The following FRMPD4 variants were observed in gnomAD, a reference collection of about 807,000 sequenced individuals.
The protein encoded by FRMPD4 is FERM and PDZ domain containing 4.
In FRMPD4, 22 loss-of-function variants were observed where a neutral mutation model predicts 94.1. The ratio of observed to expected loss-of-function variants is 0.23; its 90% confidence interval spans 0.17 to 0.33. The LOEUF (loss-of-function observed/expected upper bound fraction) is 0.33. Ranked by LOEUF, FRMPD4 falls within the 10% of genes least tolerant of loss-of-function variation. The pLI is 1.00. For synonymous variants in FRMPD4, 631 were observed against 548.6 expected (o/e 1.15, Z -2.10); for missense variants, 1,111 against 1,339.9 (o/e 0.83, Z 2.67).
chrX:12,154,860 T>C (rs1261205877), intron 1 of FRMPD4, among the ~76,000 whole-genome samples: 2 of 112,605 alleles, frequency 1.8e-5, no homozygotes, highest in Non-Finnish European at 3.8e-5. Flanking sequence ...CCTCAGGCTT[T>C]GTCACCTCAT....
At chrX:11,948,314 G>T (rs1338304013) in intron 3 of FRMPD4, among the ~76,000 whole-genome samples, 1 of 110,203 alleles carries the variant, frequency 9.1e-6, no homozygotes, top group Non-Finnish European at 1.9e-5. Flanking sequence ...TATGAGGGTG[G>T]AGTCCTCATG....
intron 1 of FRMPD4, among the ~76,000 whole-genome samples, chrX:12,344,989 G>A (rs1023221768): frequency 1.8e-5 from 2 of 112,269 alleles, no homozygotes; most frequent in African/African-American, 3.2e-5. Flanking sequence ...GTTAAACCTG[G>A]TAAAAAATGA....
chrX:11,919,846 C>T (rs1051108486), intron 3 of FRMPD4, among the ~76,000 whole-genome samples: 1 of 112,355 alleles, frequency 8.9e-6, no homozygotes, highest in Non-Finnish European at 1.9e-5. Flanking sequence ...AGTTCAGTAT[C>T]TGTGACAGCA....
chrX:12,691,817 G>T (rs1020675722), intron 8 of FRMPD4, among the ~76,000 whole-genome samples: 1 of 107,719 alleles, frequency 9.3e-6, no homozygotes, highest in South Asian at 4.3e-4. Context: ...AGTGTAGGAC[G>T]CACCTCAGAG....
chrX:12,116,510 C>A (rs903797641), intron 3 of FRMPD4, among the ~76,000 whole-genome samples: 8 of 111,908 alleles, frequency 7.1e-5, no homozygotes, highest in African/African-American at 2.3e-4. Flanking sequence ...AGTTGGGGAA[C>A]CTCATTTGAA....
rs759110214 is a variant in FRMPD4, at chrX:12,678,543, C to T, written c.468+3635C>T. ...ACAGAGAGTATTTAAAGAGTTTCTA[C>T]GGCTGGGCATGGTGGCTCACGCCTG... On this transcript the variant is annotated intron_variant, in intron 5 of 16. Transcript: ENST00000675598. Among the ~76,000 whole-genome samples the T allele has an allele frequency of 1.4e-4, 16 of 112,281 alleles. 1 individual carries two copies. The highest frequency in any genetic ancestry group is 2.8e-4 in the East Asian group (1 of 3,595).
intron 1 of FRMPD4, among the ~76,000 whole-genome samples, chrX:12,426,351 A>G (rs757995195): frequency 9.0e-6 from 1 of 111,369 alleles, no homozygotes; most frequent in South Asian, 3.9e-4. Context: ...CAAATCTTCT[A>G]CTTTCAGGGC....
intron 1 of FRMPD4, among the ~76,000 whole-genome samples, chrX:12,414,036 G>A (rs1015626782): frequency 8.9e-5 from 10 of 112,827 alleles, no homozygotes; most frequent in Non-Finnish European, 1.9e-5. Flanking sequence ...GTGTTGGTCT[G>A]TGTGACTATA....
intron 3 of FRMPD4, among the ~76,000 whole-genome samples, chrX:11,905,351 T>A: frequency 8.9e-6 from 1 of 111,733 alleles, no homozygotes; most frequent in African/African-American, 3.2e-5. Context: ...GATGGCAAAG[T>A]TGAAAGAAAA....
chrX:11,974,560 G>T (rs766877417), intron 3 of FRMPD4, among the ~76,000 whole-genome samples: 19 of 112,016 alleles, frequency 1.7e-4, no homozygotes, highest in Non-Finnish European at 3.0e-4. Flanking sequence ...TAAGACAAAA[G>T]CCCAAAGCAA....
intron 3 of FRMPD4, among the ~76,000 whole-genome samples, chrX:11,909,910 A>G (rs748459667): frequency 9.0e-6 from 1 of 111,224 alleles, no homozygotes; most frequent in Admixed American, 9.6e-5. Context: ...TTAATCAACC[A>G]TCTGAAATGT....
chrX:12,277,707 A>C (rs1269835674), intron 1 of FRMPD4, among the ~76,000 whole-genome samples: 1 of 111,931 alleles, frequency 8.9e-6, no homozygotes. Context: ...ATTTATGCCA[A>C]TGTCATATAT....
intron 1 of FRMPD4, chrX:12,495,012 G>T (rs1390011134): frequency 1.4e-6 from 1 of 734,126 alleles, no homozygotes; most frequent in East Asian, 1.5e-4. Context: ...TCAAGGCCTT[G>T]CCTGAGCCCG....
At chrX:12,036,089 C>T (rs1282069274) in intron 3 of FRMPD4, among the ~76,000 whole-genome samples, 1 of 111,852 alleles carries the variant, frequency 8.9e-6, no homozygotes, top group Non-Finnish European at 1.9e-5. Flanking sequence ...GATCCCTTTA[C>T]CATGGAAAGA....
chrX:11,997,758 A>G (rs1305726047), intron 3 of FRMPD4, among the ~76,000 whole-genome samples: 1 of 111,371 alleles, frequency 9.0e-6, no homozygotes, highest in Non-Finnish European at 1.9e-5. Context: ...TCTTTGGTCA[A>G]AGTAAGTCAC....
In FRMPD4 at chrX:12,718,740, G is replaced by A; in HGVS notation, c.3914G>A (p.Gly1305Asp). The A allele has an allele frequency of 1.7e-6, 2 of 1,209,067 alleles. No homozygotes were observed. Among genetic ancestry groups the A allele is most frequent in the Non-Finnish European group, 2.2e-6 (2 of 893,294 alleles). The part of the protein sequence containing the change: ...HTAINTEPLF[G>D]TLRDGCHRLP... ...GCCATTAACACCGAACCCCTGTTTGGCACATTGAGAGATGGATGCCATCGG... is the reference window on the plus strand; with the variant it reads ...GCCATTAACACCGAACCCCTGTTTGACACATTGAGAGATGGATGCCATCGG... Residue 1305 changes from glycine (G) to aspartate (D), a missense_variant, in exon 16 of 17, where the codon GGC becomes GAC. Transcript: ENST00000675598.
intron 3 of FRMPD4, among the ~76,000 whole-genome samples, chrX:12,086,226 T>C (rs1003861825): frequency 9.0e-6 from 1 of 111,476 alleles, no homozygotes; most frequent in Non-Finnish European, 1.9e-5. Flanking sequence ...AGAAATGCTG[T>C]GTACTTACCT....
chrX:11,991,863 G>A (rs934008863), intron 3 of FRMPD4, among the ~76,000 whole-genome samples: 1 of 112,012 alleles, frequency 8.9e-6, no homozygotes, highest in African/African-American at 3.2e-5. Flanking sequence ...TACCTTTGAC[G>A]TTGATAAAGC....
chrX:12,365,328 C>T (rs1310158318), intron 1 of FRMPD4, among the ~76,000 whole-genome samples: 1 of 111,656 alleles, frequency 9.0e-6, no homozygotes, highest in East Asian at 2.8e-4. Flanking sequence ...CAGCCCAGGC[C>T]TTACAGCTCT....
Sources: allele counts gnomAD v4.1 joint callset (sites outside exome capture counted in the v4.1 genomes callset), GRCh38; gene constraint gnomAD v4.1.1; transcripts MANE v1.5; gene names NCBI Gene and HGNC (gene_info 2026-07-23, HGNC 2026-07-21).